NT5E: variants seen among roughly 807,000 people sequenced by gnomAD.
The protein encoded by NT5E is 5'-nucleotidase ecto, also known as 5'-nucleotidase.
Under a neutral mutation model 55.1 loss-of-function variants are expected in NT5E, and 53 were observed. The ratio of observed to expected loss-of-function variants is 0.96; its 90% CI spans 0.77 to 1.21. The LOEUF is 1.21. Among genes scored for constraint, NT5E ranks in the 50% most tolerant of loss-of-function variants. The pLI, the probability that NT5E is intolerant of heterozygous loss-of-function variation, is 0.00. For synonymous variants in NT5E, 270 were observed against 278.4 expected (o/e 0.97, Z 0.30); for missense variants, 683 against 724.3 (o/e 0.94, Z 0.65).
chr6:85,489,235 A>C (rs1218138511), intron 5 of NT5E, among the ~76,000 whole-genome samples: 1 of 152,096 alleles, frequency 6.6e-6, no homozygotes, highest in Non-Finnish European at 1.5e-5. Context: ...CAACCGAGAG[A>C]CCATTTTGCT....
chr6:85,466,406 G>T (rs985528905), intron 1 of NT5E, among the ~76,000 whole-genome samples: 1 of 152,186 alleles, frequency 6.6e-6, no homozygotes, highest in Non-Finnish European at 1.5e-5. Flanking sequence ...ATGTGAAACT[G>T]CTGGGACTGG....
chr6:85,492,868 C>A (rs1353514879), intron 8 of NT5E, among the ~76,000 whole-genome samples: 3 of 152,176 alleles, frequency 2.0e-5, no homozygotes, highest in Non-Finnish European at 4.4e-5. Flanking sequence ...CTTCCTCAGT[C>A]TTATCATGCT....
At chr6:85,493,719 T>C in intron 8 of NT5E, 122 bp from the exon 9 acceptor site, 3 of 767,422 alleles carry the variant, frequency 3.9e-6, no homozygotes, top group Non-Finnish European at 6.6e-6. Context: ...AGCGTTCTTG[T>C]CTTCTGTGAC....
At chr6:85,476,574 G>T (rs577225016) in intron 3 of NT5E, among the ~76,000 whole-genome samples, 1 of 152,326 alleles carries the variant, frequency 6.6e-6, no homozygotes, top group African/African-American at 2.4e-5. Context: ...TAACAGCTCA[G>T]TGTGACAGCC....
rs193256749 is a variant in NT5E, at chr6:85,469,215, G to A, written c.562+1933G>A. Among the ~76,000 whole-genome samples, 5 of 152,300 alleles carry A rather than the reference G, an allele frequency of 3.3e-5. No individual in the cohort carries two copies. The East Asian group carries it at 7.7e-4, about 24-fold the overall frequency. ...TATAAGCCATGCTTTGTATATATGGGATGCCTGGTCCTGTGAGGTTTCTGA... is the reference window on the plus strand; with the variant it reads ...TATAAGCCATGCTTTGTATATATGGAATGCCTGGTCCTGTGAGGTTTCTGA... On this transcript the variant is annotated intron_variant, in intron 2 of 8. Coordinates refer to ENST00000257770, the MANE Select transcript of NT5E (RefSeq NM_002526.4).
intron 8 of NT5E, among the ~76,000 whole-genome samples, chr6:85,493,033 G>A (rs1368480423): frequency 1.3e-5 from 2 of 152,150 alleles, no homozygotes; most frequent in South Asian, 2.1e-4. Context: ...GAGACAAAGA[G>A]GCTGATAGCC....
chr6:85,480,769 TAAACAAACAAACAAAC>T (rs111733798), intron 3 of NT5E, among the ~76,000 whole-genome samples: 1 of 152,102 alleles, frequency 6.6e-6, no homozygotes, highest in Admixed American at 6.5e-5. Context: ...ACTAATAGCT[TAAACAAACAAACAAAC>T]AAACAAACAA....
intron 3 of NT5E, among the ~76,000 whole-genome samples, chr6:85,474,274 A>G (rs980761061): frequency 6.6e-6 from 1 of 152,196 alleles, no homozygotes; most frequent in African/African-American, 2.4e-5. Flanking sequence ...GGGAGCAAAG[A>G]CAAGAAAAAA....
chr6:85,470,671 G>A (rs1486633725), intron 2 of NT5E, among the ~76,000 whole-genome samples: 2 of 152,140 alleles, frequency 1.3e-5, no homozygotes, highest in African/African-American at 4.8e-5. Flanking sequence ...CAAACTCCTG[G>A]CATCAAGTGA....
intron 1 of NT5E, among the ~76,000 whole-genome samples, chr6:85,459,792 G>C (rs1562136140): frequency 6.6e-6 from 1 of 152,208 alleles, no homozygotes; most frequent in Non-Finnish European, 1.5e-5. Context: ...TACATTTGAT[G>C]TGGATAGCTT....
chr6:85,490,390 GCT>G, intron 6 of NT5E, 116 bp from the exon 7 acceptor site: 1 of 1,167,100 alleles, frequency 8.6e-7, no homozygotes. Flanking sequence ...AGCTAATGAT[GCT>G]CTATAAGCTT....
intron 1 of NT5E, among the ~76,000 whole-genome samples, chr6:85,460,583 G>A: frequency 6.6e-6 from 1 of 152,108 alleles, no homozygotes; most frequent in Middle Eastern, 3.2e-3. Flanking sequence ...ACTGAATTTA[G>A]CAGTCACACT....
At chr6:85,474,495 A>C (rs1420260651) in intron 3 of NT5E, among the ~76,000 whole-genome samples, 1 of 152,220 alleles carries the variant, frequency 6.6e-6, no homozygotes, top group Admixed American at 6.5e-5. Flanking sequence ...ATCCTGAAGT[A>C]AATAATTACA....
rs1769870635 is a variant in NT5E, at chr6:85,495,368, GA to G, written c.*1367del. The G allele has an allele frequency of 6.6e-6, 1 of 152,238 alleles. No individual in the cohort carries two copies. Among genetic ancestry groups the G allele is most frequent in the Non-Finnish European group, 1.5e-5 (1 of 68,038 alleles). 9.4% of individuals were successfully genotyped at this position (152,238 alleles called of 1,614,324 possible). On this transcript the variant is annotated 3_prime_UTR_variant, in exon 9 of 9. Transcript: ENST00000257770. ...GCTCAGCTCTGCATAAGTAATTCAAGAAATGGGAGGCTTCACCTTAAAAACA... is the reference window on the plus strand; with the variant it reads ...GCTCAGCTCTGCATAAGTAATTCAAGAATGGGAGGCTTCACCTTAAAAACA...
intron 3 of NT5E, among the ~76,000 whole-genome samples, chr6:85,473,608 C>T (rs965683958): frequency 2.4e-4 from 37 of 152,184 alleles, no homozygotes; most frequent in African/African-American, 3.4e-4. Flanking sequence ...TGTGTGTGTG[C>T]GTTCACATAC....
chr6:85,450,491 C>A lies in NT5E; in HGVS notation c.339+13C>A. ...CTACGATGCCATGGTAAGACCCGAG[C>A]CCGCGCCCGGGATAGTAGTCCCGGA... On this transcript the variant is annotated intron_variant, in intron 1 of 8. Transcript: ENST00000257770. The surrounding 1 kb of genome is among the most constrained non-coding windows in gnomAD (Gnocchi z 4.0). 1 of 1,574,694 alleles carries A rather than the reference C, an allele frequency of 6.4e-7. No individual in the cohort carries two copies. Among genetic ancestry groups the A allele is most frequent in the Non-Finnish European group, 8.6e-7 (1 of 1,160,322 alleles).
At chr6:85,492,370 C>A (rs879437112) in intron 8 of NT5E, among the ~76,000 whole-genome samples, 193 bp downstream of exon 8, 1 of 152,174 alleles carries the variant, frequency 6.6e-6, no homozygotes, top group Admixed American at 6.5e-5. Context: ...ACACACATGC[C>A]TTCATCCAAC....
intron 3 of NT5E, among the ~76,000 whole-genome samples, chr6:85,481,211 G>A (rs1185538455): frequency 7.2e-5 from 11 of 152,172 alleles, no homozygotes. Flanking sequence ...GGAACTAAAT[G>A]TCTTGAAAGA....
intron 2 of NT5E, among the ~76,000 whole-genome samples, chr6:85,468,384 T>C (rs1769237634): frequency 6.6e-6 from 1 of 152,106 alleles, no homozygotes. Context: ...TGGGGTCAGG[T>C]TTACTTGCTG....
Sources: allele counts gnomAD v4.1 joint callset (sites outside exome capture counted in the v4.1 genomes callset), GRCh38; gene constraint gnomAD v4.1.1; non-coding constraint Gnocchi (gnomAD v3.1); transcripts MANE v1.5; gene names NCBI Gene and HGNC (gene_info 2026-07-23, HGNC 2026-07-21).